YES1: variants seen among roughly 807,000 people sequenced by gnomAD.
YES1 encodes the protein tyrosine-protein kinase Yes.
Under a neutral mutation model 70.4 loss-of-function variants are expected in YES1, and 39 were observed. The ratio of observed to expected loss-of-function variants is 0.55; its 90% confidence interval spans 0.43 to 0.72. The LOEUF is 0.72. YES1 is among the 30% of genes least tolerant of loss of function. The pLI is 0.00. For missense variants in YES1, 495 were observed against 644.8 expected, an observed-to-expected ratio of 0.77 and a Z score of 2.52; for synonymous variants, 198 against 218.6, an observed-to-expected ratio of 0.91 and a Z score of 0.83.
chr18:765,256 A>C (rs1904832819), intron 1 of YES1, among the ~76,000 whole-genome samples: 1 of 51,074 alleles, frequency 2.0e-5, no homozygotes, highest in Non-Finnish European at 3.6e-5. Flanking sequence ...AACTATATAT[A>C]TATATATATA....
At position 724,389 on chromosome 18, in the gene YES1, T is replaced by G. The variant is rs769980162; in HGVS notation, c.*35A>C. On this transcript the variant is annotated 3_prime_UTR_variant, in exon 12 of 12. Coordinates refer to ENST00000314574, the MANE Select transcript of YES1 (RefSeq NM_005433.4). ...AAATCTACACAAGTTCTTTATATTT[T>G]GGCAGATTTGTGCATATAAAATAGG... 1 of 1,559,828 alleles carries G rather than the reference T, an allele frequency of 6.4e-7. No homozygotes were observed. Among genetic ancestry groups the G allele is most frequent in the Non-Finnish European group, 8.8e-7 (1 of 1,136,504 alleles).
chr18:760,000 C>G (rs1904502608), intron 1 of YES1, among the ~76,000 whole-genome samples: 1 of 152,014 alleles, frequency 6.6e-6, no homozygotes, highest in Non-Finnish European at 1.5e-5. Flanking sequence ...CAGAATGATG[C>G]CTTCCAGCTT....
At chr18:797,249 T>C (rs1046801436) in intron 1 of YES1, among the ~76,000 whole-genome samples, 3 of 152,134 alleles carry the variant, frequency 2.0e-5, no homozygotes, top group Admixed American at 6.5e-5. Flanking sequence ...TAGCCTTCAA[T>C]TGAAAAAGCA....
In YES1 at chr18:747,949, T is replaced by C; in HGVS notation, c.441A>G (p.Val147=). 1 of 1,613,786 alleles carries C rather than the reference T, an allele frequency of 6.2e-7. No homozygotes were observed. Among genetic ancestry groups the C allele is most frequent in the South Asian group, 1.1e-5 (1 of 91,078 alleles). The change falls in exon 4 of 12, where the codon GTA becomes GTG. Residue 147 remains valine, a synonymous_variant. Transcript: ENST00000314574. ...CTGCCTGAATGGAATCTGCAGGCGC[T>C]ACATAATTGCTCGGGATATAACCAT... The part of the protein sequence containing the change: ...GKNGYIPSNY[V]APADSIQAEE...
upstream of YES1, chr18:812,268 C>A (rs1452362842): frequency 6.6e-6 from 1 of 151,664 alleles, no homozygotes; most frequent in African/African-American, 2.4e-5. Flanking sequence ...GGACGCGTTA[C>A]TTCAGGAGGA....
chr18:811,836 T>G (rs1038123036), intron 1 of YES1, among the ~76,000 whole-genome samples: 1 of 151,624 alleles, frequency 6.6e-6, no homozygotes, highest in African/African-American at 2.4e-5. Flanking sequence ...GTGGGGAGTG[T>G]CCCCACGCCC....
intron 2 of YES1, among the ~76,000 whole-genome samples, chr18:754,641 G>A (rs1598908053): frequency 6.6e-6 from 1 of 151,524 alleles, no homozygotes; most frequent in East Asian, 1.9e-4. Context: ...AACCTGGGAG[G>A]CAGAAGGTTG....
intron 1 of YES1, among the ~76,000 whole-genome samples, chr18:767,474 G>C (rs1013424322): frequency 2.0e-5 from 3 of 151,826 alleles, no homozygotes; most frequent in Non-Finnish European, 4.4e-5. Context: ...TTTAAAACTC[G>C]ATATCTAGTT....
At chr18:795,233 G>T (rs867346580) in intron 1 of YES1, among the ~76,000 whole-genome samples, 61 of 152,236 alleles carry the variant, frequency 4.0e-4, no homozygotes, top group African/African-American at 1.4e-3. Flanking sequence ...ATAAGAAAAC[G>T]TCCTTGTTTT....
intron 1 of YES1, among the ~76,000 whole-genome samples, chr18:785,638 T>C (rs1244165819): frequency 6.6e-6 from 1 of 151,974 alleles, no homozygotes; most frequent in Non-Finnish European, 1.5e-5. Flanking sequence ...TGTTGAGAGG[T>C]GGGATCTTTA....
At chr18:781,359 C>T (rs1231414298) in intron 1 of YES1, among the ~76,000 whole-genome samples, 2 of 151,694 alleles carry the variant, frequency 1.3e-5, no homozygotes, top group Non-Finnish European at 2.9e-5. Flanking sequence ...TCAAATGTAC[C>T]ATACTGTTTT....
chr18:757,577 T>C (rs1904358898), intron 1 of YES1, among the ~76,000 whole-genome samples: 1 of 151,100 alleles, frequency 6.6e-6, no homozygotes, highest in Admixed American at 6.6e-5. Flanking sequence ...TTGTAGCACT[T>C]TGGGATGCCT....
At chr18:754,343 T>C (rs1288607233) in intron 2 of YES1, among the ~76,000 whole-genome samples, 3 of 152,112 alleles carry the variant, frequency 2.0e-5, no homozygotes, top group African/African-American at 7.2e-5. Flanking sequence ...AAATGTTGCA[T>C]TTGTTATTTC....
chr18:731,925 C>T (rs910727242), intron 11 of YES1, among the ~76,000 whole-genome samples: 1 of 142,060 alleles, frequency 7.0e-6, no homozygotes, highest in Non-Finnish European at 1.5e-5. Flanking sequence ...TGAGATCGTG[C>T]CACTGCACTC....
intron 1 of YES1, among the ~76,000 whole-genome samples, chr18:769,679 G>GT (rs896002180): frequency 2.6e-5 from 4 of 151,516 alleles, no homozygotes; most frequent in Admixed American, 1.3e-4. Context: ...TATCATATAG[G>GT]TTTTTTTCCT....
Position 745,932 on chromosome 18 carries a change from A to G in YES1, c.574+16T>C, listed in dbSNP as rs748628113. On this transcript the variant is annotated intron_variant, in intron 5 of 11. Coordinates refer to ENST00000314574, the MANE Select transcript of YES1 (RefSeq NM_005433.4). Reference sequence around the variant, plus strand: ...CAAGAAATTTTATACTTATACTAATATAACAATATTCATACCTTTAGTTGT... The same window carrying G: ...CAAGAAATTTTATACTTATACTAATGTAACAATATTCATACCTTTAGTTGT... 16 of 1,603,046 alleles carry G rather than the reference A, an allele frequency of 1.0e-5. No homozygotes were observed. The highest frequency in any genetic ancestry group is 5.1e-5 in the Admixed American group (3 of 58,912).
At chr18:764,033 T>A (rs1490561674) in intron 1 of YES1, among the ~76,000 whole-genome samples, 1 of 148,542 alleles carries the variant, frequency 6.7e-6, no homozygotes, top group Non-Finnish European at 1.5e-5. Flanking sequence ...GGCAGGAGAA[T>A]GGCATGAACC....
intron 1 of YES1, among the ~76,000 whole-genome samples, chr18:784,793 A>AC (rs1327018187): frequency 6.6e-6 from 1 of 152,194 alleles, no homozygotes; most frequent in East Asian, 1.9e-4. Flanking sequence ...TATTATGCCT[A>AC]CCTGGATAAG....
rs1182221874 is a variant in YES1, at chr18:723,346, A to G, written c.*1078T>C. 1.3e-5 allele frequency: 2 copies of G among 152,648 alleles called. No individual in the cohort carries two copies. The highest frequency in any genetic ancestry group is 4.8e-5 in the African/African-American group (2 of 41,458). 9.5% of individuals were successfully genotyped at this position (152,648 alleles called of 1,614,324 possible). Reference sequence around the variant, plus strand: ...CAAAGCCATTCTGTCACTCCATGACATCAACATTAAACATTACCTTCCATC... The same window carrying G: ...CAAAGCCATTCTGTCACTCCATGACGTCAACATTAAACATTACCTTCCATC... On this transcript the variant is annotated 3_prime_UTR_variant, in exon 12 of 12. Transcript: ENST00000314574.
Sources: allele counts gnomAD v4.1 joint callset (sites outside exome capture counted in the v4.1 genomes callset), GRCh38; gene constraint gnomAD v4.1.1; transcripts MANE v1.5; gene names NCBI Gene and HGNC (gene_info 2026-07-23, HGNC 2026-07-21).